Variants in L3MBTL1 observed in about 807,000 individuals in gnomAD.
L3MBTL1 encodes lethal(3)malignant brain tumor-like protein 1.
A neutral mutation model predicts 105.3 loss-of-function variants in L3MBTL1; 75 were observed. The observed-to-expected ratio is 0.71, with a 90% CI of 0.59 to 0.86. The LOEUF (loss-of-function observed/expected upper bound fraction) is 0.86. Among genes scored for constraint, L3MBTL1 ranks in the 40% least tolerant of loss-of-function variants. L3MBTL1 has a pLI of 0.00. For missense variants in L3MBTL1, 1,069 were observed against 1,126.4 expected (o/e 0.95, Z 0.73); for synonymous variants, 452 against 436.2 (o/e 1.04, Z -0.45).
intron 7 of L3MBTL1, among the ~76,000 whole-genome samples, chr20:43,517,992 T>G (rs2018489723): frequency 6.6e-6 from 1 of 152,220 alleles, no homozygotes. Flanking sequence ...AAAGAAGCAG[T>G]GTCTTAACTC....
At chr20:43,549,162 GGGCAGCTCCAGCA>G (rs1471373253) in exon 19 of L3MBTL1, 1 of 152,308 alleles carries the variant, frequency 6.6e-6, no homozygotes, top group East Asian at 1.9e-4. Flanking sequence ...TTGGCCAGAG[GGGCAGCTCCAGCA>G]GGCATAGTGG....
intron 7 of L3MBTL1, among the ~76,000 whole-genome samples, chr20:43,518,566 T>C (rs1280465890): frequency 6.6e-6 from 1 of 152,168 alleles, no homozygotes; most frequent in Non-Finnish European, 1.5e-5. Context: ...ATAGATATTC[T>C]GACTGTGTTC....
chr20:43,534,309 A>G lies in L3MBTL1; in HGVS notation c.1625A>G (p.Asn542Ser), dbSNP rs144187591. 1.3e-4 allele frequency: 204 copies of G among 1,613,948 alleles called. No individual in the cohort carries two copies. The highest frequency in any genetic ancestry group is 1.7e-4 in the Non-Finnish European group (199 of 1,180,002). Residue 542 changes from asparagine to serine, a missense_variant, in exon 15 of 22, where the codon AAT becomes AGT. Physicochemically the swap from Asn to Ser is conservative, Grantham distance 46. Coordinates refer to ENST00000418998, the MANE Select transcript of L3MBTL1 (RefSeq NM_001377303.1). ...KVRPPHSFLV[N>S]MKLEAVDRRN... The stretch of plus-strand genomic sequence containing the variant: ...CGACCCCCTCACAGCTTCCTGGTCA[A>G]TATGAAGCTGGAGGCTGTGGACCGC...
At chr20:43,522,926 A>G (rs1283633300) in intron 7 of L3MBTL1, among the ~76,000 whole-genome samples, 10 of 149,050 alleles carry the variant, frequency 6.7e-5, no homozygotes, top group Middle Eastern at 3.5e-3. Flanking sequence ...AACATGGCGA[A>G]CCCCGTCGCT....
intron 7 of L3MBTL1, among the ~76,000 whole-genome samples, chr20:43,522,819 A>G (rs1600916219): frequency 7.5e-6 from 1 of 134,188 alleles, no homozygotes; most frequent in African/African-American, 2.8e-5. Flanking sequence ...AAAATGTCAG[A>G]TGGCCGGGCA....
intron 1 of L3MBTL1, among the ~76,000 whole-genome samples, chr20:43,510,538 G>C (rs2018106445): frequency 6.6e-6 from 1 of 151,052 alleles, no homozygotes; most frequent in Non-Finnish European, 1.5e-5. Flanking sequence ...CCAAATAGCT[G>C]GGATTACAGG....
intron 18 of L3MBTL1, among the ~76,000 whole-genome samples, chr20:43,547,844 G>A (rs1175484666): frequency 6.6e-6 from 1 of 152,204 alleles, no homozygotes; most frequent in African/African-American, 2.4e-5. Context: ...GAGAGAAAGA[G>A]AACAAGTGTG....
At chr20:43,529,830 A>T (rs1346444722) in intron 9 of L3MBTL1, among the ~76,000 whole-genome samples, 1 of 152,174 alleles carries the variant, frequency 6.6e-6, no homozygotes, top group Non-Finnish European at 1.5e-5. Flanking sequence ...ATAAGGAGGG[A>T]GCTCCAGGCA....
chr20:43,550,648 C>G (rs139614485), exon 19 of L3MBTL1: 1 of 152,362 alleles, frequency 6.6e-6, no homozygotes, highest in Non-Finnish European at 1.5e-5. Flanking sequence ...CCCTGGCAGC[C>G]TCGCCCAGCC....
rs748473301 is a variant in L3MBTL1, at chr20:43,514,687, C to T, written c.413C>T (p.Pro138Leu). The T allele has an allele frequency of 9.5e-6, 15 of 1,587,070 alleles. No individual in the cohort carries two copies. The highest frequency in any genetic ancestry group is 4.6e-5 in the East Asian group (2 of 43,776). Residue 138 changes from proline to leucine, a missense_variant, in exon 4 of 22, where the codon CCG becomes CTG. By Grantham distance (98) the Pro-to-Leu change is moderately conservative. Coordinates refer to ENST00000418998, the MANE Select transcript of L3MBTL1 (RefSeq NM_001377303.1). The part of the protein sequence containing the change: ...PLNMAGVEQP[P>L]SPELRQEGVT... ...AACATGGCGGGAGTGGAGCAGCCCC[C>T]GAGCCCCGAGCTGCGGCAGGAAGGC...
chr20:43,541,340 G>T lies in L3MBTL1; in HGVS notation c.*212G>T. ...TCAATTTGAGCTGTTTACTGTCTCT[G>T]AGCCTACATCTTCTTGTCTGTAAAA... On this transcript the variant is annotated 3_prime_UTR_variant, in exon 22 of 22. Transcript: ENST00000418998. 1.1e-6 allele frequency: 1 copy of T among 885,298 alleles called. No individual in the cohort carries two copies. The highest frequency in any genetic ancestry group is 2.9e-5 in the East Asian group (1 of 34,214). 54.8% of individuals were successfully genotyped at this position (885,298 alleles called of 1,614,324 possible).
At chr20:43,530,939 A>C (rs1254401616) in intron 11 of L3MBTL1, 50 bp downstream of exon 11, 1 of 1,483,884 alleles carries the variant, frequency 6.7e-7, no homozygotes, top group South Asian at 1.2e-5. Context: ...GCCAGAGTTC[A>C]CTGCAGCTGG....
At chr20:43,548,488 A>C in exon 19 of L3MBTL1, 1 of 260,326 alleles carries the variant, frequency 3.8e-6, no homozygotes, top group Non-Finnish European at 7.7e-6. Context: ...TGGCAGGGGC[A>C]TTACTCATGG....
At chr20:43,510,503 C>T (rs1253946792) in intron 1 of L3MBTL1, among the ~76,000 whole-genome samples, 1 of 149,018 alleles carries the variant, frequency 6.7e-6, no homozygotes, top group African/African-American at 2.5e-5. Flanking sequence ...CTCCTGGGTT[C>T]AAGCAATTCT....
intron 11 of L3MBTL1, chr20:43,531,348 G>C (rs2019325717): frequency 6.4e-6 from 1 of 156,784 alleles, no homozygotes; most frequent in Admixed American, 6.1e-5. Context: ...GCAGCTGGCA[G>C]CTTATCCAGC....
At chr20:43,513,686 A>C (rs1250222508) in intron 2 of L3MBTL1, 47 bp downstream of exon 2, 1 of 1,550,034 alleles carries the variant, frequency 6.5e-7, no homozygotes, top group South Asian at 1.2e-5. Context: ...GCATCTCTGT[A>C]CCTGCTCAAG....
At chr20:43,516,318 A>G in intron 7 of L3MBTL1, 141 bp downstream of exon 7, 1 of 643,620 alleles carries the variant, frequency 1.6e-6, no homozygotes, top group Admixed American at 2.5e-5. Context: ...TGAAAGAGAG[A>G]GAGACAGTGA....
intron 7 of L3MBTL1, among the ~76,000 whole-genome samples, chr20:43,519,965 A>C (rs181192133): frequency 6.6e-6 from 1 of 152,302 alleles, no homozygotes; most frequent in East Asian, 1.9e-4. Flanking sequence ...CAATTCATCC[A>C]TTTGAAGTGT....
At position 43,535,744 on chromosome 20, in the gene L3MBTL1, G is replaced by A. The variant is rs558199820; in HGVS notation, c.1826-93G>A. 5.2e-6 allele frequency: 4 copies of A among 774,808 alleles called. 1 individual carries two copies. Among genetic ancestry groups the A allele is most frequent in the South Asian group, 3.6e-5 (2 of 56,218 alleles). 48.0% of individuals were successfully genotyped at this position (774,808 alleles called of 1,614,324 possible). A position where few individuals can be genotyped will look rare whatever the true frequency, so the allele number is the denominator to read the frequency against. ...CTCATCCTTGGGGAGTGGGTTTCTA[G>A]TGCTGATCTCCCCAGTGGAAACTGC... On this transcript the variant is annotated intron_variant, in intron 16 of 21. Transcript: ENST00000418998.
Sources: gnomAD v4.1 joint callset for allele counts (sites outside exome capture counted in the v4.1 genomes callset) on GRCh38, gnomAD v4.1.1 for gene constraint, MANE v1.5 for transcripts, NCBI Gene and HGNC (gene_info 2026-07-23, HGNC 2026-07-21) for gene names.